CHRM3: variants seen among roughly 807,000 people sequenced by gnomAD.
CHRM3 encodes muscarinic acetylcholine receptor M3.
In CHRM3, 11 loss-of-function variants were observed where a neutral mutation model predicts 41.8. That is an observed-to-expected ratio of 0.26 (90% confidence interval 0.17 to 0.44). The LOEUF is 0.44. Ranked by LOEUF, CHRM3 falls within the 20% of genes least tolerant of loss-of-function variation. The pLI, the probability that CHRM3 is intolerant of heterozygous loss-of-function variation, is 1.00. For missense variants in CHRM3, 571 were observed against 745.4 expected, an observed-to-expected ratio of 0.77 and a Z score of 2.72; for synonymous variants, 297 against 301.4, an observed-to-expected ratio of 0.99 and a Z score of 0.15.
intron 3 of CHRM3, among the ~76,000 whole-genome samples, chr1:239,584,450 T>A (rs962353973): frequency 1.3e-5 from 2 of 152,150 alleles, no homozygotes; most frequent in African/African-American, 4.8e-5. Context: ...AAAACAAAGA[T>A]ACAACTGATT....
At chr1:239,693,049 T>TGTATCCCTGCTCTGTGTTC (rs2148005658) in intron 5 of CHRM3, among the ~76,000 whole-genome samples, 1 of 152,306 alleles carries the variant, frequency 6.6e-6, no homozygotes, top group South Asian at 2.1e-4. Context: ...GTGCAGTGTT[T>TGTATCCCTGCTCTGTGTTC]GTATCCCTGC....
chr1:239,620,345 G>A (rs142248706), intron 3 of CHRM3, among the ~76,000 whole-genome samples: 233 of 152,266 alleles, frequency 1.5e-3, no homozygotes, highest in African/African-American at 5.1e-3. Flanking sequence ...CGCCTTTGGT[G>A]CAAGACTGTG....
intron 5 of CHRM3, among the ~76,000 whole-genome samples, chr1:239,716,089 C>T (rs76400320): frequency 5.9e-5 from 9 of 151,850 alleles, no homozygotes; most frequent in South Asian, 4.2e-4. Flanking sequence ...TGTGGAGGGA[C>T]GACAAGAATT....
intron 2 of CHRM3, among the ~76,000 whole-genome samples, chr1:239,502,204 CAA>C (rs978435382): frequency 9.9e-5 from 15 of 151,920 alleles, no homozygotes; most frequent in African/African-American, 3.4e-4. Flanking sequence ...ACCAAGAAAA[CAA>C]GAGGGAAAAT....
chr1:239,785,481 G>A (rs571256469), intron 5 of CHRM3, among the ~76,000 whole-genome samples: 1 of 152,272 alleles, frequency 6.6e-6, no homozygotes, highest in East Asian at 1.9e-4. Context: ...CTTTCTGTCT[G>A]CATGCGTGAA....
chr1:239,495,553 GA>G (rs1488409607), intron 2 of CHRM3, among the ~76,000 whole-genome samples: 1 of 152,136 alleles, frequency 6.6e-6, no homozygotes, highest in Non-Finnish European at 1.5e-5. Flanking sequence ...AGTTACAGTG[GA>G]ATGGAGATTG....
At chr1:239,505,709 G>T (rs994796041) in intron 2 of CHRM3, among the ~76,000 whole-genome samples, 1 of 152,212 alleles carries the variant, frequency 6.6e-6, no homozygotes, top group Non-Finnish European at 1.5e-5. Context: ...AAATATGGAA[G>T]TTACTTTGGA....
intron 4 of CHRM3, among the ~76,000 whole-genome samples, chr1:239,648,169 C>G (rs1671907594): frequency 6.6e-6 from 1 of 152,158 alleles, no homozygotes; most frequent in Admixed American, 6.5e-5. Flanking sequence ...GCCGCTCTGC[C>G]CTATCCACCC....
chr1:239,497,019 G>A (rs1367228326), intron 2 of CHRM3, among the ~76,000 whole-genome samples: 1 of 152,192 alleles, frequency 6.6e-6, no homozygotes, highest in African/African-American at 2.4e-5. Flanking sequence ...TTCCCAAGTA[G>A]GATCTATTGA....
intron 6 of CHRM3, among the ~76,000 whole-genome samples, chr1:239,903,378 C>A (rs1679728724): frequency 6.6e-6 from 1 of 152,088 alleles, no homozygotes; most frequent in Admixed American, 6.6e-5. Context: ...TTTTAAAAAT[C>A]TTTTATTTGT....
intron 3 of CHRM3, among the ~76,000 whole-genome samples, chr1:239,587,358 C>A (rs993546615): frequency 3.0e-4 from 45 of 152,172 alleles, no homozygotes; most frequent in African/African-American, 1.0e-3. Flanking sequence ...CAGTCATTTA[C>A]GTCAGCTTCT....
At chr1:239,444,742 A>C (rs182329332) in intron 1 of CHRM3, among the ~76,000 whole-genome samples, 77 of 152,314 alleles carry the variant, frequency 5.1e-4, no homozygotes, top group African/African-American at 1.6e-3. Context: ...GATACAAAAT[A>C]TACGAGATGA....
intron 5 of CHRM3, among the ~76,000 whole-genome samples, chr1:239,822,145 G>T (rs1302706243): frequency 3.3e-5 from 5 of 152,144 alleles, no homozygotes; most frequent in African/African-American, 1.2e-4. Flanking sequence ...TAATAGATGA[G>T]CATTAACAGA....
At chr1:239,608,086 C>T (rs886508032) in intron 3 of CHRM3, among the ~76,000 whole-genome samples, 1 of 152,170 alleles carries the variant, frequency 6.6e-6, no homozygotes, top group African/African-American at 2.4e-5. Context: ...TTCTAACTAC[C>T]TTTATTTGTA....
At chr1:239,663,884 A>C (rs1412551147) in intron 4 of CHRM3, among the ~76,000 whole-genome samples, 1 of 152,206 alleles carries the variant, frequency 6.6e-6, no homozygotes, top group Non-Finnish European at 1.5e-5. Context: ...TGATGATTTC[A>C]CATAGCTAGG....
chr1:239,471,240 T>G (rs1223898077), intron 1 of CHRM3, among the ~76,000 whole-genome samples: 1 of 152,220 alleles, frequency 6.6e-6, no homozygotes, highest in Non-Finnish European at 1.5e-5. Context: ...TTGCTGGCCT[T>G]TTTCTTTTTG....
chr1:239,770,715 A>G (rs1482417825), intron 5 of CHRM3, among the ~76,000 whole-genome samples: 1 of 152,160 alleles, frequency 6.6e-6, no homozygotes, highest in East Asian at 1.9e-4. Context: ...AATAATTATC[A>G]TTGGTGATAT....
At chr1:239,858,872 G>T (rs747097394) in intron 6 of CHRM3, among the ~76,000 whole-genome samples, 8 of 152,180 alleles carry the variant, frequency 5.3e-5, no homozygotes, top group Non-Finnish European at 1.2e-4. Context: ...GACCATTGGT[G>T]TCTAGCTTCT....
intron 3 of CHRM3, among the ~76,000 whole-genome samples, chr1:239,576,991 A>G (rs1388953352): frequency 6.6e-6 from 1 of 152,204 alleles, no homozygotes; most frequent in Non-Finnish European, 1.5e-5. Context: ...ATATTTTCAA[A>G]AAGAAAAAAT....
Sources: allele counts gnomAD v4.1 joint callset (sites outside exome capture counted in the v4.1 genomes callset), GRCh38; gene constraint gnomAD v4.1.1; transcripts MANE v1.5; gene names NCBI Gene and HGNC (gene_info 2026-07-23, HGNC 2026-07-21).